Variants in SCYL2 observed in about 807,000 individuals in gnomAD.
SCYL2 encodes SCY1 like pseudokinase 2, also known as SCY1-like protein 2.
Under a neutral mutation model 100.4 loss-of-function variants are expected in SCYL2, and 36 were observed. The ratio of observed to expected loss-of-function variants is 0.36; its 90% CI spans 0.27 to 0.47. SCYL2 has a LOEUF of 0.47. SCYL2 is among the 20% of genes least tolerant of loss of function. The pLI, the probability that SCYL2 is intolerant of heterozygous loss-of-function variation, is 1.00. For missense variants in SCYL2, 902 were observed against 1,083.9 expected, an observed-to-expected ratio of 0.83 and a Z score of 2.36; for synonymous variants, 330 against 359.2, an observed-to-expected ratio of 0.92 and a Z score of 0.92.
At chr12:100,312,738 CT>C (rs2135902260) in intron 6 of SCYL2, 85 bp downstream of exon 6, 1 of 872,494 alleles carries the variant, frequency 1.1e-6, no homozygotes, top group Non-Finnish European at 1.8e-6. Flanking sequence ...TCAGGAAATT[CT>C]TTAAATGACA....
intron 8 of SCYL2, 39 bp from the exon 9 acceptor site, chr12:100,315,519 A>C (rs368118975): frequency 2.0e-6 from 3 of 1,533,234 alleles, no homozygotes; most frequent in Admixed American, 2.0e-5. Flanking sequence ...ACCTTTAATA[A>C]ATTTTATTTT....
In SCYL2 at chr12:100,314,099, T is replaced by G. The variant is rs183292479; in HGVS notation, c.970-390T>G. Among the ~76,000 whole-genome samples the G allele has an allele frequency of 1.9e-3, 296 of 152,318 alleles. 7 individuals are homozygous for G. The highest frequency in any genetic ancestry group is 6.9e-3 in the African/African-American group (288 of 41,588). On this transcript the variant is annotated intron_variant, in intron 7 of 17. Coordinates refer to ENST00000360820, the MANE Select transcript of SCYL2 (RefSeq NM_017988.6). The stretch of plus-strand genomic sequence containing the variant: ...TTTCACCATTTTGGCTAGGCTGGTC[T>G]TGTCCTGACCTCAGGTGATCTGCCT...
At chr12:100,288,885 T>A (rs937062183) in intron 2 of SCYL2, among the ~76,000 whole-genome samples, 8 of 151,836 alleles carry the variant, frequency 5.3e-5, no homozygotes, top group Non-Finnish European at 1.0e-4. Flanking sequence ...TTTATTTATT[T>A]AAAATTTTTT....
intron 10 of SCYL2, among the ~76,000 whole-genome samples, chr12:100,321,771 G>A (rs1006219747): frequency 1.3e-5 from 2 of 152,016 alleles, no homozygotes; most frequent in African/African-American, 2.4e-5. Context: ...GATTAGGTGC[G>A]GTAGCTCACA....
At chr12:100,333,398 A>G (rs1177257636) in intron 13 of SCYL2, among the ~76,000 whole-genome samples, 2 of 152,234 alleles carry the variant, frequency 1.3e-5, no homozygotes, top group Admixed American at 6.5e-5. Context: ...GATTAGAAAT[A>G]TTAATGAACC....
At chr12:100,316,595 G>GT (rs2096349009) in intron 9 of SCYL2, among the ~76,000 whole-genome samples, 1 of 152,184 alleles carries the variant, frequency 6.6e-6, no homozygotes, top group Admixed American at 6.5e-5. Context: ...GTATGTGGTG[G>GT]TAAGGTGAGA....
chr12:100,320,149 A>C (rs1454530291), intron 10 of SCYL2, among the ~76,000 whole-genome samples: 1 of 152,230 alleles, frequency 6.6e-6, no homozygotes, highest in East Asian at 1.9e-4. Flanking sequence ...TAAAATAAAC[A>C]GAAGTTTCTG....
intron 3 of SCYL2, among the ~76,000 whole-genome samples, chr12:100,296,545 A>C (rs543734116): frequency 1.3e-5 from 2 of 152,360 alleles, no homozygotes; most frequent in South Asian, 4.1e-4. Flanking sequence ...TGGAAGCAAA[A>C]GGAAGGAAAA....
intron 1 of SCYL2, among the ~76,000 whole-genome samples, chr12:100,270,708 C>T (rs572255360): frequency 2.4e-4 from 36 of 151,026 alleles, no homozygotes; most frequent in African/African-American, 8.8e-4. Flanking sequence ...CTCCTGAGCT[C>T]AAGTGATCCT....
intron 2 of SCYL2, 89 bp from the exon 3 acceptor site, chr12:100,291,414 T>C: frequency 1.1e-6 from 1 of 870,770 alleles, no homozygotes; most frequent in Non-Finnish European, 1.7e-6. Context: ...AAAATTTTTA[T>C]GGCATAGTTA....
At chr12:100,326,872 T>A (rs1952137064) in intron 12 of SCYL2, 118 bp downstream of exon 12, 1 of 778,216 alleles carries the variant, frequency 1.3e-6, no homozygotes. Flanking sequence ...AAGAATGATG[T>A]GATAAATACC....
At position 100,315,036 on chromosome 12, in the gene SCYL2, C is replaced by T. The variant is rs536646631; in HGVS notation, c.1095+422C>T. ...TGCTGAAGAGGCACTGGTTGGAATA[C>T]TAATAATTCCTGGTTGTAAAAACAT... On this transcript the variant is annotated intron_variant, in intron 8 of 17. Transcript: ENST00000360820. 3.3e-5 allele frequency among the ~76,000 whole-genome samples: 5 copies of T among 152,298 alleles called. No individual in the cohort carries two copies. The East Asian group carries it at 9.6e-4, about 29-fold the overall frequency.
chr12:100,275,726 G>A (rs966792300), intron 1 of SCYL2, among the ~76,000 whole-genome samples: 2 of 152,110 alleles, frequency 1.3e-5, no homozygotes, highest in Non-Finnish European at 2.9e-5. Flanking sequence ...GAATAGAAGT[G>A]GTAAAAGTGG....
At chr12:100,308,320 A>G (rs533832540) in intron 4 of SCYL2, among the ~76,000 whole-genome samples, 83 of 152,316 alleles carry the variant, frequency 5.4e-4, no homozygotes, top group Non-Finnish European at 8.8e-4. Flanking sequence ...ATAAAGGATG[A>G]GTTCACGTCC....
chr12:100,338,928 C>T lies in SCYL2; in HGVS notation c.2546C>T (p.Pro849Leu), dbSNP rs1320918945. ...ALNNLFGPQK[P>L]KVSMNQLSQQ... is the part of the protein sequence containing the mutation. ...AATAATCTCTTTGGCCCTCAGAAAC[C>T]CAAAGTTAGCATGAACCAGTTATCA... is the stretch of plus-strand genomic sequence containing the variant. Residue 849 changes from proline (P) to leucine (L), a missense_variant, in exon 18 of 18, where the codon CCC (proline) becomes CTC (leucine). By Grantham distance (98) the Pro-to-Leu change is moderately conservative (BLOSUM62 -3). Transcript: ENST00000360820. 6.2e-7 allele frequency: 1 copy of T among 1,614,100 alleles called. No homozygotes were observed. Among genetic ancestry groups the T allele is most frequent in the Admixed American group, 1.7e-5 (1 of 60,014 alleles).
At chr12:100,274,728 A>G (rs2135798657) in intron 1 of SCYL2, among the ~76,000 whole-genome samples, 1 of 152,344 alleles carries the variant, frequency 6.6e-6, no homozygotes, top group East Asian at 1.9e-4. Flanking sequence ...TGAACAAAGA[A>G]GTGGTTAAGG....
intron 16 of SCYL2, 144 bp downstream of exon 16, chr12:100,336,050 A>C (rs1952273096): frequency 1.5e-6 from 1 of 649,502 alleles, no homozygotes; most frequent in South Asian, 2.1e-5. Context: ...TTATCAGTTA[A>C]ACATGACCCT....
intron 4 of SCYL2, among the ~76,000 whole-genome samples, chr12:100,306,011 T>C (rs2096333926): frequency 6.6e-6 from 1 of 152,152 alleles, no homozygotes; most frequent in Non-Finnish European, 1.5e-5. Flanking sequence ...GATATAGTAA[T>C]TAATAGCCTA....
Position 100,312,645 on chromosome 12 carries a change from T to C in SCYL2, c.844T>C (p.Leu282=). The change falls in exon 6 of 18, where the codon TTG becomes CTG. Residue 282 remains leucine, a synonymous_variant. Transcript: ENST00000360820. ...QDIYKSFSRQ[L]DQLSRLGSSS... The stretch of plus-strand genomic sequence containing the variant: ...TATTTACAAGAGTTTCAGTAGGCAG[T>C]TGGATCAGGTATTTGCCTATAAATA... The C allele has an allele frequency of 6.2e-7, 1 of 1,608,602 alleles. No homozygotes were observed. The highest frequency in any genetic ancestry group is 8.5e-7 in the Non-Finnish European group (1 of 1,176,328).
Sources: allele counts gnomAD v4.1 joint callset (sites outside exome capture counted in the v4.1 genomes callset), GRCh38; gene constraint gnomAD v4.1.1; transcripts MANE v1.5; gene names NCBI Gene and HGNC (gene_info 2026-07-23, HGNC 2026-07-21).